ZEB1: variants seen among roughly 807,000 people sequenced by gnomAD.
ZEB1 encodes zinc finger E-box-binding homeobox 1.
In ZEB1, 21 loss-of-function variants were observed where a neutral mutation model predicts 84.9. The observed-to-expected ratio is 0.25, with a 90% CI of 0.18 to 0.36. ZEB1 has a LOEUF of 0.36. Ranked by LOEUF, ZEB1 falls within the 10% of genes least tolerant of loss-of-function variation. The probability of loss-of-function intolerance (pLI) is 1.00; values close to 1 mark genes in which losing one functional copy is unlikely to be tolerated. For synonymous variants in ZEB1, 420 were observed against 471.1 expected (o/e 0.89, Z 1.41); for missense variants, 1,104 against 1,330.2 (o/e 0.83, Z 2.65).
intron 1 of ZEB1, among the ~76,000 whole-genome samples, chr10:31,423,909 G>A (rs780537654): frequency 6.6e-5 from 10 of 151,934 alleles, no homozygotes; most frequent in Non-Finnish European, 1.5e-4. Context: ...GATAGAAAAC[G>A]ACTCCAGAAT....
intron 1 of ZEB1, among the ~76,000 whole-genome samples, chr10:31,335,910 C>T (rs1410993704): frequency 6.6e-6 from 1 of 152,092 alleles, no homozygotes; most frequent in African/African-American, 2.4e-5. Flanking sequence ...AATTATTATA[C>T]AAATTCAATT....
intron 1 of ZEB1, among the ~76,000 whole-genome samples, chr10:31,424,164 C>G (rs1315924703): frequency 6.6e-6 from 1 of 151,966 alleles, no homozygotes; most frequent in Non-Finnish European, 1.5e-5. Context: ...CGTAAATTCA[C>G]TTTGAAGAAA....
chr10:31,427,371 C>T (rs1276562494), intron 1 of ZEB1, among the ~76,000 whole-genome samples: 1 of 152,058 alleles, frequency 6.6e-6, no homozygotes, highest in Non-Finnish European at 1.5e-5. Context: ...AACCCCAACT[C>T]AGTAGGTATA....
intron 1 of ZEB1, among the ~76,000 whole-genome samples, chr10:31,448,308 ATTC>A (rs2060061244): frequency 1.0e-5 from 1 of 98,884 alleles, no homozygotes; most frequent in Non-Finnish European, 1.9e-5. Flanking sequence ...CTAGTTATAC[ATTC>A]TTCTAAATTT....
At chr10:31,370,333 G>A (rs763115600) in intron 1 of ZEB1, among the ~76,000 whole-genome samples, 2 of 152,088 alleles carry the variant, frequency 1.3e-5, no homozygotes, top group Non-Finnish European at 2.9e-5. Flanking sequence ...TGTGATGGCC[G>A]GGCGCAGTGG....
Position 31,527,453 on chromosome 10 carries a change from A to ACC in ZEB1, c.*189_*190insCC. 1.4e-6 allele frequency: 1 copy of ACC among 722,966 alleles called. No homozygotes were observed. The highest frequency in any genetic ancestry group is 2.2e-6 in the Non-Finnish European group (1 of 462,884). 44.8% of individuals were successfully genotyped at this position (722,966 alleles called of 1,614,324 possible). On this transcript the variant is annotated 3_prime_UTR_variant, in exon 9 of 9. Coordinates refer to ENST00000424869, the MANE Select transcript of ZEB1 (RefSeq NM_001174096.2). ...CACACACACACACACACACACACACAAAATAAATCCGGGTGTGCCTGAACC... is the reference window on the plus strand; with the variant it reads ...CACACACACACACACACACACACACACCAAATAAATCCGGGTGTGCCTGAACC...
intron 1 of ZEB1, among the ~76,000 whole-genome samples, chr10:31,453,501 C>T (rs2060839078): frequency 6.6e-6 from 1 of 152,044 alleles, no homozygotes; most frequent in African/African-American, 2.4e-5. Flanking sequence ...TTATCTAATG[C>T]TTTTTTATGA....
chr10:31,398,459 A>G (rs2051243536), intron 1 of ZEB1, among the ~76,000 whole-genome samples: 1 of 152,014 alleles, frequency 6.6e-6, no homozygotes, highest in South Asian at 2.1e-4. Context: ...CTCTCTCTGC[A>G]TCATTATTTT....
chr10:31,413,631 CT>C (rs1013736078), intron 1 of ZEB1, among the ~76,000 whole-genome samples: 3 of 152,012 alleles, frequency 2.0e-5, no homozygotes, highest in Non-Finnish European at 4.4e-5. Flanking sequence ...GGTGAGCTCA[CT>C]GATAGCAGAG....
chr10:31,425,710 T>C (rs944661977), intron 1 of ZEB1, among the ~76,000 whole-genome samples: 2 of 152,154 alleles, frequency 1.3e-5, no homozygotes, highest in Admixed American at 6.5e-5. Flanking sequence ...TTTTGAACTA[T>C]CTGGCTTGAA....
chr10:31,441,378 T>A (rs1009532787), intron 1 of ZEB1, among the ~76,000 whole-genome samples: 3 of 152,132 alleles, frequency 2.0e-5, no homozygotes, highest in African/African-American at 7.2e-5. Context: ...AACTGGATCC[T>A]TTCCTTACAC....
At chr10:31,446,842 C>A (rs1458980123) in intron 1 of ZEB1, among the ~76,000 whole-genome samples, 1 of 151,172 alleles carries the variant, frequency 6.6e-6, no homozygotes. Flanking sequence ...AGTATGTGGT[C>A]AATTTTGGAA....
chr10:31,396,699 T>A (rs1279357796), intron 1 of ZEB1, among the ~76,000 whole-genome samples: 1 of 152,218 alleles, frequency 6.6e-6, no homozygotes, highest in Non-Finnish European at 1.5e-5. Flanking sequence ...TCTTGCTGTT[T>A]AGATTACCTA....
chr10:31,332,829 T>G (rs1228140556), intron 1 of ZEB1, among the ~76,000 whole-genome samples: 2 of 152,326 alleles, frequency 1.3e-5, no homozygotes, highest in East Asian at 3.9e-4. Flanking sequence ...ATTTCACATG[T>G]GATCTACTTT....
intron 1 of ZEB1, among the ~76,000 whole-genome samples, chr10:31,340,794 G>A (rs533718645): frequency 6.6e-6 from 1 of 152,242 alleles, no homozygotes; most frequent in East Asian, 1.9e-4. Context: ...GAATACTAAA[G>A]GGAGGTCAGT....
chr10:31,393,880 C>A (rs2050227499), intron 1 of ZEB1, among the ~76,000 whole-genome samples: 2 of 152,164 alleles, frequency 1.3e-5, no homozygotes, highest in Admixed American at 1.3e-4. Flanking sequence ...ACACTCTTAG[C>A]AATCTCATCA....
intron 1 of ZEB1, among the ~76,000 whole-genome samples, chr10:31,331,206 C>A (rs753233291): frequency 4.8e-4 from 71 of 149,160 alleles, no homozygotes; most frequent in Non-Finnish European, 9.0e-4. Context: ...CCTGCCTCAA[C>A]CTCCTGAGTA....
intron 2 of ZEB1, among the ~76,000 whole-genome samples, chr10:31,489,384 G>A (rs890914341): frequency 6.6e-6 from 1 of 151,100 alleles, no homozygotes; most frequent in African/African-American, 2.4e-5. Flanking sequence ...TTTGTAGATA[G>A]GATATTAATG....
chr10:31,525,629 T>A (rs1333070062), intron 8 of ZEB1, among the ~76,000 whole-genome samples: 1 of 152,224 alleles, frequency 6.6e-6, no homozygotes, highest in Non-Finnish European at 1.5e-5. Context: ...ATGACTACAG[T>A]ATCCATATTT....
Sources: allele counts gnomAD v4.1 joint callset (sites outside exome capture counted in the v4.1 genomes callset), GRCh38; gene constraint gnomAD v4.1.1; transcripts MANE v1.5; gene names NCBI Gene and HGNC (gene_info 2026-07-23, HGNC 2026-07-21).